The following C4BPA variants were observed in gnomAD, a reference collection of about 807,000 sequenced individuals.
C4BPA encodes complement component 4 binding protein alpha.
In C4BPA, 31 loss-of-function variants were observed where a neutral mutation model predicts 63.7. The ratio of observed to expected loss-of-function variants is 0.49; its 90% CI spans 0.37 to 0.66. The LOEUF is 0.66. C4BPA is among the 30% of genes least tolerant of loss of function. The pLI is 0.00. For synonymous variants in C4BPA, 259 were observed against 254.7 expected, an observed-to-expected ratio of 1.02 and a Z score of -0.16; for missense variants, 572 against 723.3, an observed-to-expected ratio of 0.79 and a Z score of 2.40.
At chr1:207,120,663 A>T (rs879274404) in intron 4 of C4BPA, among the ~76,000 whole-genome samples, 5 of 152,166 alleles carry the variant, frequency 3.3e-5, no homozygotes, top group Non-Finnish European at 7.3e-5. Context: ...ATTAACCAAG[A>T]ATGTTACTTA....
rs1378059482 is a variant in C4BPA at position 207,144,680 on chromosome 1, A to T, written c.1757A>T (p.Asp586Val). ...LEIEQLELQR[D>V]SARQSTLDKE... ...ATTGAACAACTGGAACTACAGAGAG[A>T]CAGCGCAAGACAATCCACTTTGGAT... The change falls in exon 12 of 12, where the codon GAC becomes GTC. Residue 586 changes from aspartate (D) to valine (V), a missense_variant. Transcript: ENST00000367070. The T allele has an allele frequency of 1.2e-6, 2 of 1,610,306 alleles. No homozygotes were observed. Among genetic ancestry groups the T allele is most frequent in the African/African-American group, 1.3e-5 (1 of 74,706 alleles).
chr1:207,131,450 A>G, intron 7 of C4BPA, 96 bp from the exon 8 acceptor site: 1 of 800,838 alleles, frequency 1.2e-6, no homozygotes, highest in East Asian at 2.7e-5. Flanking sequence ...GGCTGAATGA[A>G]CGTATGACCC....
chr1:207,113,226 C>T, intron 2 of C4BPA, 59 bp downstream of exon 2: 1 of 1,559,548 alleles, frequency 6.4e-7, no homozygotes, highest in Non-Finnish European at 8.7e-7. Flanking sequence ...TCTGTGCATT[C>T]ACTTTTAAGG....
intron 4 of C4BPA, among the ~76,000 whole-genome samples, chr1:207,119,750 G>A (rs1173809677): frequency 1.1e-5 from 1 of 94,708 alleles, no homozygotes; most frequent in African/African-American, 3.0e-5. Context: ...CACAATTAAT[G>A]TAATGTCCAT....
chr1:207,133,282 T>C (rs1193996492), intron 8 of C4BPA, among the ~76,000 whole-genome samples: 1 of 152,228 alleles, frequency 6.6e-6, no homozygotes, highest in Non-Finnish European at 1.5e-5. Flanking sequence ...AAATGAGCAC[T>C]GGAAGTGTTT....
intron 3 of C4BPA, 87 bp downstream of exon 3, chr1:207,114,372 C>A (rs749042273): frequency 1.9e-5 from 20 of 1,038,068 alleles, no homozygotes; most frequent in Non-Finnish European, 2.8e-5. Flanking sequence ...TCTTTAGTCA[C>A]CAAGAAGACA....
At chr1:207,134,954 C>T (rs1685247866) in intron 9 of C4BPA, among the ~76,000 whole-genome samples, 1 of 152,194 alleles carries the variant, frequency 6.6e-6, no homozygotes, top group African/African-American at 2.4e-5. Context: ...TTGTTTCCTT[C>T]TTCTTCCTCA....
At chr1:207,104,780 G>A (rs149580064) in intron 1 of C4BPA, among the ~76,000 whole-genome samples, 35 of 152,232 alleles carry the variant, frequency 2.3e-4, no homozygotes, top group African/African-American at 8.4e-4. Flanking sequence ...TGAGGCAAGG[G>A]GTCAATCAGA....
intron 9 of C4BPA, among the ~76,000 whole-genome samples, chr1:207,139,381 G>A (rs939049953): frequency 6.6e-6 from 1 of 152,144 alleles, no homozygotes. Flanking sequence ...TTAGCTATTT[G>A]AACGGCACTA....
intron 10 of C4BPA, among the ~76,000 whole-genome samples, chr1:207,141,548 A>G (rs1685415901): frequency 6.6e-6 from 1 of 152,230 alleles, no homozygotes; most frequent in Non-Finnish European, 1.5e-5. Context: ...AAATATTCTA[A>G]AAGTATCACA....
chr1:207,143,556 C>G (rs1685466572), intron 10 of C4BPA, among the ~76,000 whole-genome samples: 1 of 152,084 alleles, frequency 6.6e-6, no homozygotes, highest in Non-Finnish European at 1.5e-5. Flanking sequence ...TGTATCTCAG[C>G]TGTCTCTTAG....
chr1:207,105,524 T>G (rs1397963545), intron 1 of C4BPA, among the ~76,000 whole-genome samples: 1 of 143,486 alleles, frequency 7.0e-6, no homozygotes, highest in African/African-American at 2.6e-5. Flanking sequence ...GCCATTGCAC[T>G]CTAGTCTGGG....
chr1:207,118,145 G>C (rs796539416), intron 4 of C4BPA, among the ~76,000 whole-genome samples: 1 of 81,228 alleles, frequency 1.2e-5, no homozygotes, highest in Non-Finnish European at 3.1e-5. Flanking sequence ...CTGTCTGTCT[G>C]TCTGTCTGTC....
chr1:207,125,287 A>G (rs1425708168), intron 6 of C4BPA, among the ~76,000 whole-genome samples: 1 of 152,230 alleles, frequency 6.6e-6, no homozygotes, highest in Non-Finnish European at 1.5e-5. Flanking sequence ...GGCATTCAGA[A>G]CAATCATGGA....
intron 4 of C4BPA, among the ~76,000 whole-genome samples, chr1:207,116,733 T>C (rs889246223): frequency 2.0e-5 from 3 of 152,172 alleles, no homozygotes; most frequent in Non-Finnish European, 4.4e-5. Flanking sequence ...CTACTTCTTT[T>C]ATATTTTCAT....
At chr1:207,125,568 C>T (rs981750741) in intron 6 of C4BPA, among the ~76,000 whole-genome samples, 2 of 152,054 alleles carry the variant, frequency 1.3e-5, no homozygotes, top group East Asian at 1.9e-4. Context: ...GAAGGGAGAG[C>T]GCTAGTCTCT....
rs1400196339 is a variant in C4BPA at position 207,137,966 on chromosome 1, A to AG, written c.1274-3136dup. On this transcript the variant is annotated intron_variant, in intron 9 of 11. Transcript: ENST00000367070. ...AGATCTGTGTTGGTGTTAATGTTGG[A>AG]GGGGTATAATGGGGAATGTCCAACC... Among the ~76,000 whole-genome samples the AG allele has an allele frequency of 2.0e-5, 3 of 152,084 alleles. No individual in the cohort carries two copies. The East Asian group carries it at 5.8e-4, about 29-fold the overall frequency.
At position 207,126,890 on chromosome 1, in the gene C4BPA, A is replaced by G; in HGVS notation, c.884A>G (p.Glu295Gly). 1.9e-6 allele frequency: 3 copies of G among 1,611,860 alleles called. No homozygotes were observed. Among genetic ancestry groups the G allele is most frequent in the South Asian group, 1.1e-5 (1 of 90,702 alleles). Residue 295 changes from glutamate to glycine, a missense_variant, in exon 7 of 12, where the codon GAG (glutamate) becomes GGG (glycine). Transcript: ENST00000367070. ...TGGAATCCTTCTCCTCCTGCTTGTG[A>G]GCCCAGTAAGTATGGACTGTGACAG... is the stretch of plus-strand genomic sequence containing the variant. Reference protein sequence around the residue: ...SKWNPSPPACEPNSCINLPDI... With the variant: ...SKWNPSPPACGPNSCINLPDI...
intron 4 of C4BPA, among the ~76,000 whole-genome samples, chr1:207,118,202 ATCTATCATCTG>A (rs1558089454): frequency 2.2e-5 from 3 of 139,116 alleles, no homozygotes; most frequent in South Asian, 2.4e-4. Context: ...TCATCTATCT[ATCTATCATCTG>A]TCTATCTATC....
Sources: gnomAD v4.1 joint callset for allele counts (sites outside exome capture counted in the v4.1 genomes callset) on GRCh38, gnomAD v4.1.1 for gene constraint, MANE v1.5 for transcripts, NCBI Gene and HGNC (gene_info 2026-07-23, HGNC 2026-07-21) for gene names.